The following CEPT1 variants were observed in gnomAD, a reference collection of about 807,000 sequenced individuals.
CEPT1 encodes choline/ethanolaminephosphotransferase 1.
In CEPT1, 7 loss-of-function variants were observed where a neutral mutation model predicts 42.6. The ratio of observed to expected loss-of-function variants is 0.16; its 90% CI spans 0.09 to 0.31. The LOEUF is 0.31. Among genes scored for constraint, CEPT1 ranks in the 10% least tolerant of loss-of-function variants. The pLI, the probability that CEPT1 is intolerant of heterozygous loss-of-function variation, is 1.00. For missense variants in CEPT1, 306 were observed against 502.1 expected (o/e 0.61, Z 3.73); for synonymous variants, 171 against 171.9 (o/e 0.99, Z 0.04).
chr1:111,152,912 G>A (rs1655360285), intron 2 of CEPT1, among the ~76,000 whole-genome samples: 1 of 152,072 alleles, frequency 6.6e-6, no homozygotes, highest in African/African-American at 2.4e-5. Context: ...CATATATACA[G>A]TGTATAATGA....
chr1:111,150,389 G>T (rs1330949253), intron 2 of CEPT1, among the ~76,000 whole-genome samples: 1 of 152,102 alleles, frequency 6.6e-6, no homozygotes, highest in Non-Finnish European at 1.5e-5. Context: ...TTCTTCCACA[G>T]CCCCCTTCCC....
In CEPT1 at chr1:111,145,216, G is replaced by T. The variant is rs890176369; in HGVS notation, c.-73-2426G>T. Among the ~76,000 whole-genome samples, 13 of 152,102 alleles carry T rather than the reference G, an allele frequency of 8.5e-5. No individual in the cohort carries two copies. In the East Asian group the frequency reaches 1.7e-3, roughly 20 times the overall value. On this transcript the variant is annotated intron_variant, in intron 1 of 8. Coordinates refer to ENST00000357172, the MANE Select transcript of CEPT1 (RefSeq NM_006090.5). ...TTTTTAGTAGAGACGGGGTTTCACC[G>T]TGTTGGCCAGGCTGGTCTCGAACTC... is the stretch of plus-strand genomic sequence containing the variant.
chr1:111,161,360 G>C, intron 4 of CEPT1, 64 bp downstream of exon 4: 1 of 1,418,750 alleles, frequency 7.0e-7, no homozygotes, highest in East Asian at 2.3e-5. Flanking sequence ...TGCCTTATAA[G>C]TATTTGAGTA....
At chr1:111,176,350 G>C (rs1557939935) in intron 5 of CEPT1, among the ~76,000 whole-genome samples, 1 of 151,896 alleles carries the variant, frequency 6.6e-6, no homozygotes, top group South Asian at 2.1e-4. Context: ...AATAGTTTTT[G>C]TTTTCCTGAA....
intron 3 of CEPT1, chr1:111,160,320 C>T (rs1359570816): frequency 6.6e-6 from 1 of 152,168 alleles, no homozygotes; most frequent in Non-Finnish European, 1.5e-5. Flanking sequence ...CATCCCTCCC[C>T]TCTTTTATTT....
intron 4 of CEPT1, chr1:111,167,220 T>A (rs188118485): frequency 1.0e-6 from 1 of 985,252 alleles, no homozygotes; most frequent in East Asian, 1.1e-4. Flanking sequence ...TGCTATCTGA[T>A]GTACAATGGT....
intron 4 of CEPT1, among the ~76,000 whole-genome samples, chr1:111,168,710 G>A (rs969033512): frequency 2.0e-5 from 3 of 152,062 alleles, no homozygotes; most frequent in Admixed American, 6.6e-5. Context: ...GGATGGTCTC[G>A]ATCTCCTGAC....
chr1:111,154,564 A>G (rs1004304575), intron 2 of CEPT1, among the ~76,000 whole-genome samples: 1 of 152,116 alleles, frequency 6.6e-6, no homozygotes, highest in African/African-American at 2.4e-5. Context: ...GTCTGGTTCT[A>G]GTTCTTAGAG....
intron 4 of CEPT1, chr1:111,167,092 T>C: frequency 1.0e-6 from 1 of 983,910 alleles, no homozygotes; most frequent in Non-Finnish European, 1.2e-6. Flanking sequence ...AAATGTTTGT[T>C]TCCTTATGCA....
intron 4 of CEPT1, among the ~76,000 whole-genome samples, chr1:111,168,723 CGT>C (rs1165126273): frequency 6.6e-6 from 1 of 152,144 alleles, no homozygotes; most frequent in Non-Finnish European, 1.5e-5. Context: ...CTCCTGACCT[CGT>C]GATCTGCCCA....
intron 1 of CEPT1, among the ~76,000 whole-genome samples, chr1:111,143,040 G>A (rs1013464197): frequency 6.6e-6 from 1 of 152,206 alleles, no homozygotes; most frequent in Non-Finnish European, 1.5e-5. Context: ...ACATGAAAAC[G>A]TATTCTCAGT....
At chr1:111,181,543 A>G (rs1188693103) in intron 5 of CEPT1, 2 of 152,214 alleles carry the variant, frequency 1.3e-5, no homozygotes, top group East Asian at 1.9e-4. Flanking sequence ...TTAAACTTCA[A>G]AATTTTGTAT....
chr1:111,164,728 A>G (rs555479157), intron 4 of CEPT1, among the ~76,000 whole-genome samples: 3 of 151,844 alleles, frequency 2.0e-5, no homozygotes, highest in Admixed American at 6.6e-5. Context: ...GGTTCAAGCA[A>G]TTCTGCCTCA....
chr1:111,143,081 T>G (rs1210372129), intron 1 of CEPT1, among the ~76,000 whole-genome samples: 1 of 152,244 alleles, frequency 6.6e-6, no homozygotes, highest in Non-Finnish European at 1.5e-5. Flanking sequence ...GTTCTAAAGT[T>G]ACAGGTTTCT....
intron 5 of CEPT1, among the ~76,000 whole-genome samples, chr1:111,177,715 C>T (rs1656754279): frequency 6.6e-6 from 1 of 152,130 alleles, no homozygotes; most frequent in African/African-American, 2.4e-5. Flanking sequence ...TTAATATAAA[C>T]ATCCTTTTTA....
intron 4 of CEPT1, chr1:111,167,294 G>A: frequency 3.1e-6 from 3 of 983,208 alleles, no homozygotes; most frequent in Non-Finnish European, 3.6e-6. Context: ...AAAATCAAAA[G>A]TCTTCCTGTT....
Position 111,144,147 on chromosome 1 carries a change from A to G in CEPT1, c.-73-3495A>G, listed in dbSNP as rs559406570. On this transcript the variant is annotated intron_variant, in intron 1 of 8. Transcript: ENST00000357172. ...GTAGCCACCTACCCTATGCGGCTCC[A>G]TTGAGATATGCTTGCTTTTCATTTG... Among the ~76,000 whole-genome samples the G allele has an allele frequency of 9.9e-5, 15 of 152,282 alleles. No individual in the cohort carries two copies. The South Asian group carries it at 3.1e-3, about 32-fold the overall frequency.
chr1:111,169,006 C>G (rs1656282187), intron 4 of CEPT1, among the ~76,000 whole-genome samples: 1 of 152,188 alleles, frequency 6.6e-6, no homozygotes, highest in Admixed American at 6.5e-5. Flanking sequence ...CTCCTGTATA[C>G]TTTAAGTCAT....
intron 4 of CEPT1, among the ~76,000 whole-genome samples, chr1:111,171,612 T>G (rs1239517799): frequency 6.6e-6 from 1 of 152,278 alleles, no homozygotes; most frequent in East Asian, 1.9e-4. Flanking sequence ...TGTTTGTTTC[T>G]GGCTTGTCAT....
Sources: gnomAD v4.1 joint callset for allele counts (sites outside exome capture counted in the v4.1 genomes callset) on GRCh38, gnomAD v4.1.1 for gene constraint, MANE v1.5 for transcripts, NCBI Gene and HGNC (gene_info 2026-07-23, HGNC 2026-07-21) for gene names.